Variants in GPLD1 observed in about 807,000 individuals in gnomAD.
The protein encoded by GPLD1 is glycosylphosphatidylinositol specific phospholipase D1.
GPLD1 carries 84 observed loss-of-function variants against 112.6 expected under a neutral mutation model. That is an observed-to-expected ratio of 0.75 (90% CI 0.63 to 0.89). The LOEUF is 0.89. Ranked by LOEUF, GPLD1 falls within the 40% of genes least tolerant of loss-of-function variation. GPLD1 has a pLI of 0.00. For synonymous variants in GPLD1, 386 were observed against 403.8 expected, an observed-to-expected ratio of 0.96 and a Z score of 0.53; for missense variants, 1,044 against 1,051.5, an observed-to-expected ratio of 0.99 and a Z score of 0.10.
intron 20 of GPLD1, among the ~76,000 whole-genome samples, chr6:24,437,525 C>A (rs1762620130): frequency 1.3e-5 from 2 of 152,174 alleles, no homozygotes; most frequent in African/African-American, 4.8e-5. Flanking sequence ...AGTCTTATCC[C>A]CATAATACAG....
chr6:24,430,949 ACT>A (rs1454220282), intron 24 of GPLD1, among the ~76,000 whole-genome samples: 2 of 152,072 alleles, frequency 1.3e-5, no homozygotes, highest in Admixed American at 6.6e-5. Context: ...ATATACCACT[ACT>A]CTCAACTGAT....
At chr6:24,433,338 C>G (rs202231664) in intron 23 of GPLD1, 25 bp downstream of exon 23, 35 of 1,605,466 alleles carry the variant, frequency 2.2e-5, no homozygotes, top group Non-Finnish European at 3.0e-5. Context: ...ATTTTTCTTT[C>G]TTCAGTCTTT....
chr6:24,446,149 A>G (rs888697762), intron 18 of GPLD1, among the ~76,000 whole-genome samples: 2 of 152,058 alleles, frequency 1.3e-5, no homozygotes, highest in East Asian at 3.9e-4. Context: ...CCTAACCCCC[A>G]GTATCTCTGA....
At chr6:24,425,022 C>T (rs547424570), downstream of GPLD1, 4 of 152,350 alleles carry the variant, frequency 2.6e-5, no homozygotes, top group African/African-American at 4.8e-5. Flanking sequence ...GGGCTAGACT[C>T]GAGCACGCAG....
At chr6:24,479,766 A>G in intron 3 of GPLD1, 115 bp downstream of exon 3, 1 of 591,022 alleles carries the variant, frequency 1.7e-6, no homozygotes, top group Non-Finnish European at 3.0e-6. Flanking sequence ...AATGGAAAAT[A>G]TACTGTGCAA....
intron 1 of GPLD1, among the ~76,000 whole-genome samples, chr6:24,489,023 C>T (rs2127374476): frequency 6.6e-6 from 1 of 152,300 alleles, no homozygotes; most frequent in South Asian, 2.1e-4. Flanking sequence ...AATGCCTGTC[C>T]TTGGACATGT....
chr6:24,431,269 G>A (rs1762396729), intron 24 of GPLD1, among the ~76,000 whole-genome samples: 3 of 152,088 alleles, frequency 2.0e-5, no homozygotes, highest in Admixed American at 2.0e-4. Context: ...CAGGAACCTG[G>A]TCCACAGCAC....
intron 22 of GPLD1, among the ~76,000 whole-genome samples, chr6:24,435,482 TTC>T (rs776172593): frequency 5.3e-5 from 8 of 152,208 alleles, no homozygotes; most frequent in Non-Finnish European, 7.3e-5. Context: ...TAATTTTTAA[TTC>T]TCTTTGTACA....
rs115595000 is a variant in GPLD1 at position 24,464,637 on chromosome 6, A to G, written c.822-1842T>C. 6.8e-3 allele frequency among the ~76,000 whole-genome samples: 1,039 copies of G among 152,356 alleles called. 13 individuals carry two copies. Among genetic ancestry groups the G allele is most frequent in the African/African-American group, 0.024 (980 of 41,590 alleles). On this transcript the variant is annotated intron_variant, in intron 10 of 24. Transcript: ENST00000230036. ...TAAGGGTAAAGGAATATCACCCAGT[A>G]TAATATTCTGGATCTACATTCTGTA...
At chr6:24,477,839 A>G (rs1764072656) in intron 3 of GPLD1, among the ~76,000 whole-genome samples, 1 of 152,258 alleles carries the variant, frequency 6.6e-6, no homozygotes, top group African/African-American at 2.4e-5. Flanking sequence ...TCATCACCAA[A>G]TAAGAAAAGG....
rs199676972 is a variant in GPLD1 at position 24,443,682 on chromosome 6, TG to T, written c.2020+1863del. The stretch of plus-strand genomic sequence containing the variant: ...TAATCCACTTGTTTTTTTGTTTTTT[TG>T]TTTTTGAGACTGAGTCTCACTCTGT... On this transcript the variant is annotated intron_variant, in intron 20 of 24. Coordinates refer to ENST00000230036, the MANE Select transcript of GPLD1 (RefSeq NM_001503.4). Among the ~76,000 whole-genome samples, 1,459 of 152,150 alleles carry T rather than the reference TG, an allele frequency of 9.6e-3. 17 individuals carry two copies. The highest frequency in any genetic ancestry group is 0.032 in the African/African-American group (1,317 of 41,432).
rs1372830608 is a variant in GPLD1, at chr6:24,466,800, G to C, written c.701C>G (p.Thr234Arg). 6.2e-7 allele frequency: 1 copy of C among 1,611,088 alleles called. No homozygotes were observed. Among genetic ancestry groups the C allele is most frequent in the African/African-American group, 1.3e-5 (1 of 74,806 alleles). ...AVSKLYPTYSTKSPFLVEQFQ... is the reference protein window; with the variant it reads ...AVSKLYPTYSRKSPFLVEQFQ... The stretch of plus-strand genomic sequence containing the variant: ...TTGTTCCACCAAAAACGGGGACTTT[G>C]TAGAGTAAGTGGGATATAACTATGG... The change falls in exon 10 of 25, where the codon ACA becomes AGA. Residue 234 changes from threonine to arginine, a missense_variant. Coordinates refer to ENST00000230036, the MANE Select transcript of GPLD1 (RefSeq NM_001503.4).
Position 24,428,121 on chromosome 6 carries a change from C to CAT in GPLD1, c.*909_*910dup, listed in dbSNP as rs541120776. ...GGAATGTGAGGTTATCCCTCACCCC[C>CAT]ATGCTTTACTCTGTACTATTTTTCC... On this transcript the variant is annotated 3_prime_UTR_variant, in exon 25 of 25. Coordinates refer to ENST00000230036, the MANE Select transcript of GPLD1 (RefSeq NM_001503.4). 1.9e-3 allele frequency: 287 copies of CAT among 150,876 alleles called. No homozygotes were observed. The highest frequency in any genetic ancestry group is 6.4e-3 in the African/African-American group (265 of 41,092). 9.3% of individuals were successfully genotyped at this position (150,876 alleles called of 1,614,324 possible).
At position 24,476,279 on chromosome 6, in the gene GPLD1, C is replaced by T. The variant is rs768957702; in HGVS notation, c.233-1G>A. 6.7e-7 allele frequency: 1 copy of T among 1,496,978 alleles called. No individual in the cohort carries two copies. Among genetic ancestry groups the T allele is most frequent in the South Asian group, 1.2e-5 (1 of 83,534 alleles). 92.7% of individuals were successfully genotyped at this position (1,496,978 alleles called of 1,614,324 possible). A position where few individuals can be genotyped will look rare whatever the true frequency, so the allele number is the denominator to read the frequency against. On this transcript the variant is annotated splice_acceptor_variant, in intron 3 of 24. Transcript: ENST00000230036. LOFTEE classifies it high-confidence loss of function. ...CTCTCAGACACATCATGGAATTTTC[C>T]TGACAAAACAAAAGCAGGGCTCTAG...
chr6:24,481,519 CGAG>C (rs201501327), intron 2 of GPLD1, among the ~76,000 whole-genome samples: 2,002 of 152,252 alleles, frequency 0.013, 25 homozygotes, highest in African/African-American at 0.034. Flanking sequence ...CACCCTCTCC[CGAG>C]GAGAGCCCAT....
intron 7 of GPLD1, among the ~76,000 whole-genome samples, chr6:24,469,791 C>T (rs1763737933): frequency 6.6e-6 from 1 of 151,620 alleles, no homozygotes; most frequent in Non-Finnish European, 1.5e-5. Context: ...AAAAAAAATC[C>T]TCAGAATAAA....
At chr6:24,472,504 G>A (rs1463847240) in intron 7 of GPLD1, 78 bp downstream of exon 7, 2 of 812,982 alleles carry the variant, frequency 2.5e-6, no homozygotes, top group Non-Finnish European at 4.3e-6. Context: ...TATATTGTCA[G>A]TTATATTTTC....
intron 7 of GPLD1, among the ~76,000 whole-genome samples, chr6:24,468,778 T>C (rs1268710034): frequency 6.6e-6 from 1 of 152,176 alleles, no homozygotes; most frequent in Non-Finnish European, 1.5e-5. Flanking sequence ...GCACCACAAC[T>C]GAGCTAACTG....
At position 24,489,397 on chromosome 6, in the gene GPLD1, C is replaced by G. The variant is rs761318309; in HGVS notation, c.97+18G>C. On this transcript the variant is annotated intron_variant, in intron 1 of 24. Coordinates refer to ENST00000230036, the MANE Select transcript of GPLD1 (RefSeq NM_001503.4). ...ATGTATTGTCCTCTCAACAACATAA[C>G]AAGACACCAGTACTTACCTATTTCT... 21 of 1,524,190 alleles carry G rather than the reference C, an allele frequency of 1.4e-5. No individual in the cohort carries two copies. Among genetic ancestry groups the G allele is most frequent in the Non-Finnish European group, 1.8e-5 (20 of 1,098,298 alleles). 94.4% of individuals were successfully genotyped at this position (1,524,190 alleles called of 1,614,324 possible). A position where few individuals can be genotyped will look rare whatever the true frequency, so the allele number is the denominator to read the frequency against.
Sources: allele counts gnomAD v4.1 joint callset (sites outside exome capture counted in the v4.1 genomes callset), GRCh38; gene constraint gnomAD v4.1.1; transcripts MANE v1.5; gene names NCBI Gene and HGNC (gene_info 2026-07-23, HGNC 2026-07-21).